Variants in EBF1 observed in about 807,000 individuals in gnomAD.
EBF1 encodes the protein EBF transcription factor 1.
In EBF1, 10 loss-of-function variants were observed where a neutral mutation model predicts 68.4. That is an observed-to-expected ratio of 0.15 (90% CI 0.09 to 0.25). The LOEUF is 0.25. Among genes scored for constraint, EBF1 ranks in the 10% least tolerant of loss-of-function variants. The pLI is 1.00. For missense variants in EBF1, 509 were observed against 794.4 expected (o/e 0.64, Z 4.32); for synonymous variants, 298 against 299.8 (o/e 0.99, Z 0.06).
chr5:158,952,201 G>GA (rs1816165989), intron 6 of EBF1, among the ~76,000 whole-genome samples: 1 of 151,926 alleles, frequency 6.6e-6, no homozygotes, highest in Non-Finnish European at 1.5e-5. Context: ...GGAAAGAAAG[G>GA]AAAAAAGAGA....
chr5:158,927,946 C>T (rs1218323922), intron 6 of EBF1, among the ~76,000 whole-genome samples: 1 of 152,220 alleles, frequency 6.6e-6, no homozygotes, highest in Non-Finnish European at 1.5e-5. Flanking sequence ...ATCTGCAGAT[C>T]TAGGCTTCAC....
intron 6 of EBF1, among the ~76,000 whole-genome samples, chr5:159,052,351 GAA>G (rs5872583): frequency 2.1e-5 from 3 of 143,160 alleles, no homozygotes; most frequent in African/African-American, 7.7e-5. Flanking sequence ...AAAAGATATA[GAA>G]AAAAAAAAAA....
chr5:158,785,233 G>A (rs1314511829), intron 9 of EBF1, among the ~76,000 whole-genome samples: 1 of 152,108 alleles, frequency 6.6e-6, no homozygotes, highest in South Asian at 2.1e-4. Context: ...CAAGGTGTTA[G>A]GGAACAAACA....
intron 9 of EBF1, among the ~76,000 whole-genome samples, chr5:158,785,673 T>C (rs185365624): frequency 6.6e-6 from 1 of 152,332 alleles, no homozygotes; most frequent in East Asian, 1.9e-4. Flanking sequence ...TACCAAAATA[T>C]GCTGAGTCAC....
chr5:158,730,036 A>G (rs1258621329), intron 11 of EBF1, among the ~76,000 whole-genome samples: 2 of 152,236 alleles, frequency 1.3e-5, no homozygotes, highest in Non-Finnish European at 2.9e-5. Context: ...GAAGGATGGC[A>G]ACTTCATTTT....
intron 10 of EBF1, among the ~76,000 whole-genome samples, chr5:158,748,451 G>T (rs1768077432): frequency 6.6e-6 from 1 of 152,090 alleles, no homozygotes; most frequent in African/African-American, 2.4e-5. Flanking sequence ...GCTCTTCCTG[G>T]GGAGTCTTTT....
intron 8 of EBF1, among the ~76,000 whole-genome samples, chr5:158,815,659 A>G (rs1336262893): frequency 6.6e-6 from 1 of 152,196 alleles, no homozygotes; most frequent in Non-Finnish European, 1.5e-5. Flanking sequence ...CCATGGTCAA[A>G]TGAGCAGAAC....
At chr5:158,992,700 G>A (rs963482093) in intron 6 of EBF1, among the ~76,000 whole-genome samples, 5 of 151,942 alleles carry the variant, frequency 3.3e-5, no homozygotes, top group South Asian at 2.1e-4. Flanking sequence ...ACAGATTTAC[G>A]TTTCTTACCA....
At chr5:158,873,717 A>G (rs1262378529) in intron 6 of EBF1, among the ~76,000 whole-genome samples, 2 of 152,224 alleles carry the variant, frequency 1.3e-5, no homozygotes, top group Non-Finnish European at 2.9e-5. Context: ...GGAGGTGTTA[A>G]AGACAGATTC....
At chr5:158,872,996 ATTTTTTTTTTTTTTT>A (rs539493620) in intron 6 of EBF1, among the ~76,000 whole-genome samples, 5 of 81,104 alleles carry the variant, frequency 6.2e-5, no homozygotes, top group African/African-American at 2.5e-4. Context: ...AATGACACTA[ATTTTTTTTTTTTTTT>A]TTTTTTTTTT....
intron 6 of EBF1, among the ~76,000 whole-genome samples, chr5:158,942,367 C>G (rs988373559): frequency 2.6e-5 from 4 of 152,222 alleles, no homozygotes; most frequent in Admixed American, 6.5e-5. Context: ...ACTGACTCAT[C>G]ATGTAACCTT....
intron 6 of EBF1, among the ~76,000 whole-genome samples, chr5:158,866,030 T>A (rs1795807753): frequency 6.6e-6 from 1 of 152,194 alleles, no homozygotes; most frequent in African/African-American, 2.4e-5. Flanking sequence ...ACTCACACAA[T>A]GTTAGATCTC....
intron 11 of EBF1, among the ~76,000 whole-genome samples, chr5:158,724,070 T>C (rs186436277): frequency 3.1e-3 from 464 of 152,088 alleles, no homozygotes; most frequent in African/African-American, 0.01. Context: ...AATGGGGAAA[T>C]GGAATCTGCC....
chr5:158,762,737 A>G (rs1307471163), intron 10 of EBF1, among the ~76,000 whole-genome samples: 3 of 152,062 alleles, frequency 2.0e-5, no homozygotes, highest in African/African-American at 4.8e-5. Flanking sequence ...GGGTTTCACC[A>G]TGTTAGCCAG....
chr5:158,815,898 C>A (rs1156325728), intron 8 of EBF1, among the ~76,000 whole-genome samples: 2 of 152,178 alleles, frequency 1.3e-5, no homozygotes, highest in Non-Finnish European at 2.9e-5. Context: ...AAAGTAAAAG[C>A]CCTGATTTGA....
intron 6 of EBF1, among the ~76,000 whole-genome samples, chr5:158,906,754 T>G (rs779261886): frequency 5.9e-5 from 9 of 152,242 alleles, no homozygotes; most frequent in Non-Finnish European, 1.3e-4. Context: ...CAGAACAATT[T>G]GCTCTTTGGT....
At chr5:158,969,227 G>T (rs1422181183) in intron 6 of EBF1, among the ~76,000 whole-genome samples, 1 of 152,144 alleles carries the variant, frequency 6.6e-6, no homozygotes, top group African/African-American at 2.4e-5. Flanking sequence ...ACTTGAACCT[G>T]GGGGGCAGAG....
At chr5:159,085,473 T>C (rs533135338) in intron 4 of EBF1, among the ~76,000 whole-genome samples, 4 of 152,338 alleles carry the variant, frequency 2.6e-5, no homozygotes, top group African/African-American at 4.8e-5. Flanking sequence ...TTTTTTGTAA[T>C]GTGTTTGTAA....
At chr5:158,735,104 A>T (rs2127556024) in intron 10 of EBF1, among the ~76,000 whole-genome samples, 1 of 152,314 alleles carries the variant, frequency 6.6e-6, no homozygotes, top group Middle Eastern at 3.4e-3. Flanking sequence ...ATTCGTAGGA[A>T]TGAACTGTTT....
Sources: allele counts gnomAD v4.1 joint callset (sites outside exome capture counted in the v4.1 genomes callset), GRCh38; gene constraint gnomAD v4.1.1; transcripts MANE v1.5; gene names NCBI Gene and HGNC (gene_info 2026-07-23, HGNC 2026-07-21).